Variants in NOVA1 observed in about 807,000 individuals in gnomAD.
NOVA1 encodes the protein RNA-binding protein Nova-1.
NOVA1 carries 7 observed loss-of-function variants against 38.0 expected under a neutral mutation model. That is an observed-to-expected ratio of 0.18 (90% CI 0.10 to 0.35). The LOEUF is 0.35. NOVA1 is among the 10% of genes least tolerant of loss of function. NOVA1 has a pLI of 1.00. For missense variants in NOVA1, 460 were observed against 616.0 expected (o/e 0.75, Z 2.68); for synonymous variants, 270 against 232.5 (o/e 1.16, Z -1.47).
intron 2 of NOVA1, among the ~76,000 whole-genome samples, chr14:26,493,503 T>C (rs982355952): frequency 1.3e-5 from 2 of 152,200 alleles, no homozygotes; most frequent in Non-Finnish European, 2.9e-5. Flanking sequence ...AGAGTAGATA[T>C]TACCTGGATG....
At chr14:26,469,585 T>G (rs1034974540) in intron 4 of NOVA1, among the ~76,000 whole-genome samples, 6 of 152,146 alleles carry the variant, frequency 3.9e-5, no homozygotes, top group African/African-American at 1.4e-4. Context: ...TGAGGCAATA[T>G]TATTTGAATT....
intron 2 of NOVA1, among the ~76,000 whole-genome samples, chr14:26,525,786 T>C (rs1594465978): frequency 6.6e-6 from 1 of 152,118 alleles, no homozygotes; most frequent in African/African-American, 2.4e-5. Context: ...ATCTCCTGCA[T>C]TGTTTCTCCA....
intron 2 of NOVA1, among the ~76,000 whole-genome samples, chr14:26,591,372 G>C (rs1363072532): frequency 6.6e-6 from 1 of 151,620 alleles, no homozygotes; most frequent in Non-Finnish European, 1.5e-5. Context: ...GTATAACCTA[G>C]TGTAATGATA....
At chr14:26,472,448 T>C (rs578254298) in intron 3 of NOVA1, 57 bp from the exon 4 acceptor site, 7 of 712,138 alleles carry the variant, frequency 9.8e-6, no homozygotes, top group Non-Finnish European at 1.5e-5. Context: ...AAACTGATTA[T>C]TTAAATAAAA....
In NOVA1 at chr14:26,498,468, G is replaced by A. The variant is rs999220419; in HGVS notation, c.281-18325C>T. Among the ~76,000 whole-genome samples, 14 of 152,008 alleles carry A rather than the reference G, an allele frequency of 9.2e-5. No individual in the cohort carries two copies. The South Asian group carries it at 1.0e-3, about 11-fold the overall frequency. On this transcript the variant is annotated intron_variant, in intron 2 of 4. Coordinates refer to ENST00000539517, the MANE Select transcript of NOVA1 (RefSeq NM_002515.3). ...TACTCAGTAAATCTCTAATAAGCCC[G>A]TTATTTTATAAACATCTATAATCAA...
intron 4 of NOVA1, among the ~76,000 whole-genome samples, chr14:26,466,908 T>C (rs1884187908): frequency 6.6e-6 from 1 of 152,248 alleles, no homozygotes; most frequent in South Asian, 2.1e-4. Context: ...TGCCTTGATC[T>C]TGGACTTCCC....
intron 2 of NOVA1, among the ~76,000 whole-genome samples, chr14:26,485,607 G>A (rs1885822805): frequency 1.3e-5 from 2 of 152,014 alleles, no homozygotes; most frequent in South Asian, 2.1e-4. Context: ...TTAGATACCT[G>A]AGACATTATT....
In NOVA1 at chr14:26,445,179, C is replaced by T. The variant is rs1821562181; in HGVS notation, c.*2780G>A. 1 of 152,162 alleles carries T rather than the reference C, an allele frequency of 6.6e-6. No individual in the cohort carries two copies. Among genetic ancestry groups the T allele is most frequent in the Admixed American group, 6.5e-5 (1 of 15,276 alleles). The allele number at this position is 152,162 out of a possible 1,614,324, so 9.4% of individuals were successfully genotyped here. ...TAGTTGCATTTCATAAGATGTTTGG[C>T]CCTTGTATCATCAGTTTTCTCCATT... On this transcript the variant is annotated 3_prime_UTR_variant, in exon 5 of 5. Coordinates refer to ENST00000539517, the MANE Select transcript of NOVA1 (RefSeq NM_002515.3).
chr14:26,554,770 C>T (rs1891382704), intron 2 of NOVA1, among the ~76,000 whole-genome samples: 1 of 152,144 alleles, frequency 6.6e-6, no homozygotes, highest in South Asian at 2.1e-4. Flanking sequence ...TTCTCTAAAA[C>T]ATTCTATGAA....
chr14:26,566,037 A>T (rs1892117904), intron 2 of NOVA1, among the ~76,000 whole-genome samples: 1 of 152,190 alleles, frequency 6.6e-6, no homozygotes, highest in Non-Finnish European at 1.5e-5. Flanking sequence ...TATAATTTGG[A>T]TACTAAAATT....
intron 2 of NOVA1, among the ~76,000 whole-genome samples, chr14:26,539,048 C>T (rs1436557270): frequency 6.6e-6 from 1 of 152,042 alleles, no homozygotes. Flanking sequence ...CTAAAATATA[C>T]CCCCAAGATA....
At chr14:26,507,464 A>AGT (rs1399175729) in intron 2 of NOVA1, among the ~76,000 whole-genome samples, 1 of 152,168 alleles carries the variant, frequency 6.6e-6, no homozygotes, top group African/African-American at 2.4e-5. Flanking sequence ...TTTTATAAAG[A>AGT]GTGTTTTTTA....
intron 4 of NOVA1, among the ~76,000 whole-genome samples, chr14:26,469,769 T>C (rs573604242): frequency 1.3e-5 from 2 of 152,124 alleles, no homozygotes; most frequent in Non-Finnish European, 1.5e-5. Flanking sequence ...TCAAAATGTA[T>C]ACATTTTTAG....
intron 2 of NOVA1, chr14:26,588,573 G>A (rs1893668540): frequency 6.6e-6 from 1 of 151,324 alleles, no homozygotes; most frequent in Admixed American, 6.6e-5. Context: ...GTGAAACTTG[G>A]AAAATACTGA....
intron 3 of NOVA1, among the ~76,000 whole-genome samples, chr14:26,477,253 T>C (rs1181661148): frequency 6.6e-6 from 1 of 152,160 alleles, no homozygotes; most frequent in African/African-American, 2.4e-5. Context: ...ATGACGACAG[T>C]AAAACTCTTA....
At chr14:26,473,284 G>C (rs548105499) in intron 3 of NOVA1, among the ~76,000 whole-genome samples, 4 of 151,516 alleles carry the variant, frequency 2.6e-5, no homozygotes, top group African/African-American at 9.7e-5. Context: ...ATGTCTAACA[G>C]AAATACCTTA....
At chr14:26,529,272 G>A (rs1889528582) in intron 2 of NOVA1, among the ~76,000 whole-genome samples, 1 of 151,894 alleles carries the variant, frequency 6.6e-6, no homozygotes, top group African/African-American at 2.4e-5. Context: ...CAAGTAGCTG[G>A]GATTACAAGC....
At chr14:26,523,905 C>A (rs1165010930) in intron 2 of NOVA1, among the ~76,000 whole-genome samples, 1 of 152,002 alleles carries the variant, frequency 6.6e-6, no homozygotes, top group Admixed American at 6.6e-5. Context: ...CGCCCGACAC[C>A]ATGCCCAGCT....
chr14:26,569,226 G>C (rs1279461842), intron 2 of NOVA1, among the ~76,000 whole-genome samples: 2 of 151,982 alleles, frequency 1.3e-5, no homozygotes, highest in Admixed American at 6.6e-5. Context: ...TAAGAGGTTT[G>C]AACATTTACA....
Sources: allele counts gnomAD v4.1 joint callset (sites outside exome capture counted in the v4.1 genomes callset), GRCh38; gene constraint gnomAD v4.1.1; transcripts MANE v1.5; gene names NCBI Gene and HGNC (gene_info 2026-07-23, HGNC 2026-07-21).